The following PDE1C variants were observed in gnomAD, a reference collection of about 807,000 sequenced individuals.
PDE1C encodes the protein phosphodiesterase 1C.
In PDE1C, 62 loss-of-function variants were observed where a neutral mutation model predicts 93.1. The observed-to-expected ratio is 0.67, with a 90% CI of 0.54 to 0.82. The LOEUF is 0.82. Among genes scored for constraint, PDE1C ranks in the 40% least tolerant of loss-of-function variants. The pLI is 0.00. For missense variants in PDE1C, 742 were observed against 884.6 expected (o/e 0.84, Z 2.04); for synonymous variants, 325 against 310.1 (o/e 1.05, Z -0.50).
chr7:32,270,925 G>A (rs1810914451), intron 1 of PDE1C, among the ~76,000 whole-genome samples: 1 of 152,010 alleles, frequency 6.6e-6, no homozygotes. Context: ...GAGGTCAGGA[G>A]TTTGAGACCA....
At chr7:32,134,008 T>G (rs998636939) in intron 3 of PDE1C, among the ~76,000 whole-genome samples, 4 of 151,866 alleles carry the variant, frequency 2.6e-5, no homozygotes, top group Admixed American at 6.6e-5. Flanking sequence ...ATACCTGAAA[T>G]TTAAAATTTC....
At chr7:32,023,838 G>A (rs1789047741) in intron 2 of PDE1C, among the ~76,000 whole-genome samples, 1 of 152,090 alleles carries the variant, frequency 6.6e-6, no homozygotes, top group Admixed American at 6.6e-5. Flanking sequence ...GATTGTGGAG[G>A]TAATTACACA....
the PDE1C span, among the ~76,000 whole-genome samples, chr7:31,685,132 A>G: frequency 2.0e-5 from 3 of 152,278 alleles, no homozygotes; most frequent in South Asian, 6.2e-4. Flanking sequence ...TGAAAAAAAA[A>G]AAGCCAAACC....
At chr7:31,837,753 A>G in intron 10 of PDE1C, 117 bp downstream of exon 10, 1 of 670,784 alleles carries the variant, frequency 1.5e-6, no homozygotes, top group Non-Finnish European at 2.6e-6. Context: ...TAATCATTGC[A>G]TAAGAACACT....
chr7:32,265,212 T>C (rs1250958173), intron 1 of PDE1C, among the ~76,000 whole-genome samples: 1 of 152,210 alleles, frequency 6.6e-6, no homozygotes, highest in African/African-American at 2.4e-5. Context: ...GCTACTAACA[T>C]GTAATGAGCA....
chr7:31,697,153 A>G, the PDE1C span: 13 of 1,609,682 alleles, frequency 8.1e-6, no homozygotes, highest in Admixed American at 2.0e-4. Context: ...GCAGGGGGTG[A>G]TGGGGACAGG....
chr7:31,643,794 C>G, the PDE1C span: 61 of 1,614,004 alleles, frequency 3.8e-5, 1 homozygote, highest in Middle Eastern at 8.2e-4. Flanking sequence ...GCTGCATCTG[C>G]TGTCATCACC....
the PDE1C span, among the ~76,000 whole-genome samples, chr7:31,698,783 G>C: frequency 1.3e-5 from 2 of 152,196 alleles, no homozygotes; most frequent in Admixed American, 6.5e-5. Context: ...GATAGAAATT[G>C]CTTCTTTAGA....
chr7:31,863,676 A>G (rs2128834485), intron 7 of PDE1C, among the ~76,000 whole-genome samples: 1 of 152,318 alleles, frequency 6.6e-6, no homozygotes, highest in African/African-American at 2.4e-5. Context: ...AAATTCTGCA[A>G]CGTTTTAACA....
chr7:32,318,118 G>A (rs1211285380), intron 1 of PDE1C, among the ~76,000 whole-genome samples: 1 of 152,032 alleles, frequency 6.6e-6, no homozygotes. Context: ...TGAATTTTCC[G>A]AAGAAACTTC....
chr7:32,264,359 G>A lies in PDE1C; in HGVS notation c.85+34292C>T, dbSNP rs189024296. ...ATTATCTCAATGACCCTTTATGGCC[G>A]CTCTTTGAGGTAGGTATTCTTATTG... On this transcript the variant is annotated intron_variant, in intron 1 of 18. Transcript: ENST00000396193. Among the ~76,000 whole-genome samples, 13 of 152,260 alleles carry A rather than the reference G, an allele frequency of 8.5e-5. 1 individual carries two copies. Among genetic ancestry groups the A allele is most frequent in the Admixed American group, 3.3e-4 (5 of 15,294 alleles).
At chr7:31,857,425 G>A (rs1794156453) in intron 7 of PDE1C, among the ~76,000 whole-genome samples, 1 of 152,082 alleles carries the variant, frequency 6.6e-6, no homozygotes, top group African/African-American at 2.4e-5. Context: ...TCGGATTTCT[G>A]GATAGCTCTT....
intron 1 of PDE1C, among the ~76,000 whole-genome samples, chr7:32,288,649 T>C (rs533572858): frequency 1.3e-5 from 2 of 152,328 alleles, no homozygotes; most frequent in African/African-American, 4.8e-5. Context: ...CTCGATACAA[T>C]TTGAAAAGCT....
the PDE1C span, among the ~76,000 whole-genome samples, chr7:31,647,316 A>G: frequency 6.6e-6 from 1 of 152,158 alleles, no homozygotes; most frequent in Non-Finnish European, 1.5e-5. Flanking sequence ...TATTAACAGG[A>G]CATAGCTCTT....
chr7:32,027,659 A>T (rs894455694), intron 2 of PDE1C, among the ~76,000 whole-genome samples: 1 of 146,660 alleles, frequency 6.8e-6, no homozygotes, highest in African/African-American at 2.5e-5. Context: ...TAATGGGAAG[A>T]AATTTTTATC....
intron 9 of PDE1C, among the ~76,000 whole-genome samples, chr7:31,841,954 G>A (rs1562902278): frequency 6.6e-6 from 1 of 152,088 alleles, no homozygotes. Flanking sequence ...CTTGGGAGGT[G>A]GTCAGCCTTT....
chr7:31,847,701 A>G (rs1792807663), intron 9 of PDE1C, among the ~76,000 whole-genome samples: 1 of 152,192 alleles, frequency 6.6e-6, no homozygotes, highest in Non-Finnish European at 1.5e-5. Flanking sequence ...AAAGCAATGT[A>G]AAGATGGCAA....
rs1554456823 is a variant in PDE1C at position 31,998,033 on chromosome 7, T to TATTTA, written c.128+53520_128+53521insTAAAT. On this transcript the variant is annotated intron_variant, in intron 2 of 17. Transcript: ENST00000396191. ...ATTTTTATTTATTTATTTATTTATT[T>TATTTA]TTTTGAGACGGAGTCTCACTCTGTT... Among the ~76,000 whole-genome samples, 635 of 150,918 alleles carry TATTTA rather than the reference T, an allele frequency of 4.2e-3. 5 individuals are homozygous for TATTTA. Among genetic ancestry groups the TATTTA allele is most frequent in the African/African-American group, 0.014 (591 of 41,270 alleles).
At chr7:32,416,210 T>C (rs1289485159) in intron 1 of PDE1C, among the ~76,000 whole-genome samples, 1 of 152,248 alleles carries the variant, frequency 6.6e-6, no homozygotes, top group Non-Finnish European at 1.5e-5. Context: ...ATAACTCATC[T>C]AAGGTCGGAG....
Sources: allele counts gnomAD v4.1 joint callset (sites outside exome capture counted in the v4.1 genomes callset), GRCh38; gene constraint gnomAD v4.1.1; transcripts MANE v1.5; gene names NCBI Gene and HGNC (gene_info 2026-07-23, HGNC 2026-07-21).